SCARB1: variants seen among roughly 807,000 people sequenced by gnomAD.
SCARB1 encodes CD36 and LIMPII analogous 1.
Under a neutral mutation model 57.2 loss-of-function variants are expected in SCARB1, and 30 were observed. The observed-to-expected ratio is 0.52, with a 90% CI of 0.39 to 0.71. The LOEUF (loss-of-function observed/expected upper bound fraction) is 0.71. Ranked by LOEUF, SCARB1 falls within the 30% of genes least tolerant of loss-of-function variation. The pLI is 0.00. For synonymous variants in SCARB1, 249 were observed against 268.3 expected (o/e 0.93, Z 0.70); for missense variants, 543 against 671.2 (o/e 0.81, Z 2.11).
At chr12:124,830,051 T>C (rs1351739808) in intron 1 of SCARB1, among the ~76,000 whole-genome samples, 2 of 152,052 alleles carry the variant, frequency 1.3e-5, no homozygotes, top group Non-Finnish European at 2.9e-5. Flanking sequence ...CGGAGCAGAA[T>C]AGGAGATAGG....
rs1950467552 is a variant in SCARB1 at position 124,810,107 on chromosome 12, C to G, written c.842+67G>C. The G allele has an allele frequency of 1.0e-6, 1 of 981,118 alleles. No homozygotes were observed. Among genetic ancestry groups the G allele is most frequent in the African/African-American group, 1.6e-5 (1 of 62,942 alleles). 60.8% of individuals were successfully genotyped at this position (981,118 alleles called of 1,614,324 possible). On this transcript the variant is annotated intron_variant, in intron 6 of 12. Coordinates refer to ENST00000261693, the MANE Select transcript of SCARB1 (RefSeq NM_005505.5). The surrounding 1 kb of genome is among the most constrained non-coding windows in gnomAD (Gnocchi z 4.0). ...GTCAAAATGCTTTCCAAGTGCACAG[C>G]CAACACCACAGAATTTGGCCATGAG...
chr12:124,807,863 C>A lies in SCARB1; in HGVS notation c.907G>T (p.Ala303Ser). Residue 303 changes from alanine (A) to serine (S), a missense_variant, in exon 7 of 13, where the codon GCT (alanine) becomes TCT (serine). Ala to Ser is a moderately conservative substitution (Grantham distance 99). Transcript: ENST00000261693. This position sits in a 1 kb window ranked among gnomAD's most constrained non-coding sequence, Gnocchi z 5.3. The part of the protein sequence containing the change: ...FEGIPTYRFV[A>S]PKTLFANGSI... The stretch of plus-strand genomic sequence containing the variant: ...CCGTTGGCAAACAGGGTTTTGGGAG[C>A]CACGAAGCGATAGGTGGGGATGCCT... 3 of 1,614,112 alleles carry A rather than the reference C, an allele frequency of 1.9e-6. No homozygotes were observed. Among genetic ancestry groups the A allele is most frequent in the Non-Finnish European group, 2.5e-6 (3 of 1,179,998 alleles).
At chr12:124,819,843 C>T (rs1418701662) in intron 1 of SCARB1, among the ~76,000 whole-genome samples, 4 of 152,250 alleles carry the variant, frequency 2.6e-5, no homozygotes, top group African/African-American at 9.6e-5. Flanking sequence ...GGTCGCACTC[C>T]ACGGGGCCAC....
At chr12:124,848,961 T>C (rs534798372) in intron 1 of SCARB1, among the ~76,000 whole-genome samples, 1 of 152,366 alleles carries the variant, frequency 6.6e-6, no homozygotes, top group South Asian at 2.1e-4. Flanking sequence ...AGCCCTTACT[T>C]GACACTTGCC....
Position 124,786,111 on chromosome 12 carries a change from G to A in SCARB1, c.1401+246C>T, listed in dbSNP as rs1449254001. On this transcript the variant is annotated intron_variant, in intron 11 of 12. Coordinates refer to ENST00000261693, the MANE Select transcript of SCARB1 (RefSeq NM_005505.5). ...GTCTCATTACTCAAAGCCCACCTGT[G>A]CCCCCTCCAAGGGAGGGTCCCAGGC... The A allele has an allele frequency of 2.6e-6, 4 of 1,536,214 alleles. No homozygotes were observed. The South Asian group carries it at 3.6e-5, about 14-fold the overall frequency.
chr12:124,831,068 CG>C (rs1951369593), intron 1 of SCARB1, among the ~76,000 whole-genome samples: 1 of 151,968 alleles, frequency 6.6e-6, no homozygotes, highest in African/African-American at 2.4e-5. Flanking sequence ...CTCTGCCTCC[CG>C]GGTTCAAGCA....
At chr12:124,825,247 A>G (rs141634299) in intron 1 of SCARB1, among the ~76,000 whole-genome samples, 1 of 128,558 alleles carries the variant, frequency 7.8e-6, no homozygotes, top group Non-Finnish European at 1.7e-5. Context: ...AAAAAAAAAA[A>G]GCTGATCCCC....
intron 1 of SCARB1, among the ~76,000 whole-genome samples, chr12:124,857,704 T>C (rs1952699502): frequency 6.6e-6 from 1 of 152,192 alleles, no homozygotes; most frequent in Non-Finnish European, 1.5e-5. Context: ...CCGAAGGTTT[T>C]TGCCTCTACC....
At chr12:124,862,556 TC>T (rs1352250523) in intron 1 of SCARB1, 5 of 152,118 alleles carry the variant, frequency 3.3e-5, no homozygotes, top group South Asian at 4.2e-4. Flanking sequence ...AGAAACCCAG[TC>T]CAAAGAGGCA....
chr12:124,860,099 C>T (rs1488304288), intron 1 of SCARB1, among the ~76,000 whole-genome samples: 1 of 152,054 alleles, frequency 6.6e-6, no homozygotes, highest in Non-Finnish European at 1.5e-5. Flanking sequence ...TACAGGCGTG[C>T]ACCACCATGT....
intron 1 of SCARB1, among the ~76,000 whole-genome samples, chr12:124,837,563 G>T (rs1429153276): frequency 2.4e-5 from 1 of 42,220 alleles, no homozygotes; most frequent in South Asian, 1.2e-3. Context: ...GAAAAGAAAA[G>T]AAAAGAAAAG....
intron 1 of SCARB1, among the ~76,000 whole-genome samples, chr12:124,826,618 ATTTT>A (rs976542927): frequency 6.6e-6 from 1 of 151,574 alleles, no homozygotes; most frequent in Admixed American, 6.6e-5. Context: ...CTATTTTTTT[ATTTT>A]TTTATTTTTT....
At position 124,814,964 on chromosome 12, in the gene SCARB1, C is replaced by A. The variant is rs776432724; in HGVS notation, c.426+9G>T. 6.2e-7 allele frequency: 1 copy of A among 1,614,126 alleles called. No homozygotes were observed. Among genetic ancestry groups the A allele is most frequent in the Non-Finnish European group, 8.5e-7 (1 of 1,180,018 alleles). ...GTGCGAGGCGGCGTGGGCCACAGGG[C>A]AGCCTCACCAAGACCAGGATGTTGG... On this transcript the variant is annotated intron_variant, in intron 3 of 12. Coordinates refer to ENST00000261693, the MANE Select transcript of SCARB1 (RefSeq NM_005505.5). The surrounding 1 kb of genome is among the most constrained non-coding windows in gnomAD (Gnocchi z 4.7).
chr12:124,792,558 C>T (rs1034307395), intron 9 of SCARB1, among the ~76,000 whole-genome samples: 2 of 151,736 alleles, frequency 1.3e-5, no homozygotes, highest in African/African-American at 4.9e-5. Context: ...CCTGTCTCCA[C>T]TAAAAATACA....
At chr12:124,806,004 G>A (rs965601607) in intron 7 of SCARB1, among the ~76,000 whole-genome samples, 1 of 152,132 alleles carries the variant, frequency 6.6e-6, no homozygotes, top group African/African-American at 2.4e-5. Flanking sequence ...TTAACTTCCG[G>A]CCGGTGCAAC....
At chr12:124,853,390 G>GTTTT (rs757246980) in intron 1 of SCARB1, among the ~76,000 whole-genome samples, 5 of 122,534 alleles carry the variant, frequency 4.1e-5, no homozygotes, top group Non-Finnish European at 3.4e-5. Flanking sequence ...GCATAGTTTT[G>GTTTT]TTTTTTTTTT....
At chr12:124,838,356 T>G (rs1451062972) in intron 1 of SCARB1, among the ~76,000 whole-genome samples, 2 of 152,126 alleles carry the variant, frequency 1.3e-5, no homozygotes, top group Non-Finnish European at 2.9e-5. Context: ...ATCCTCCCCG[T>G]GGCAGTGCAG....
chr12:124,783,055 C>T (rs1317743335), intron 11 of SCARB1: 1 of 489,652 alleles, frequency 2.0e-6, no homozygotes, highest in East Asian at 3.7e-5. Context: ...GGCTCGTCCA[C>T]TTGAAAATTT....
rs1258737107 is a variant in SCARB1 at position 124,789,132 on chromosome 12, C to T, written c.1203-1675G>A. ...AAAAGTAAACTTGATACTGCAGAAA[C>T]GTCACAGGCATGACCTCATCCAGGC... On this transcript the variant is annotated intron_variant, in intron 9 of 12. Transcript: ENST00000261693. The surrounding 1 kb of genome is among the most constrained non-coding windows in gnomAD (Gnocchi z 4.4). Among the ~76,000 whole-genome samples, 2 of 152,118 alleles carry T rather than the reference C, an allele frequency of 1.3e-5. No individual in the cohort carries two copies. Among genetic ancestry groups the T allele is most frequent in the East Asian group, 3.8e-4 (2 of 5,200 alleles).
Sources: allele counts gnomAD v4.1 joint callset (sites outside exome capture counted in the v4.1 genomes callset), GRCh38; gene constraint gnomAD v4.1.1; non-coding constraint Gnocchi (gnomAD v3.1); transcripts MANE v1.5; gene names NCBI Gene and HGNC (gene_info 2026-07-23, HGNC 2026-07-21).